Variants in GRIK3 observed in about 807,000 individuals in gnomAD.
The protein encoded by GRIK3 is glutamate ionotropic receptor kainate type subunit 3, also known as glutamate receptor ionotropic, kainate 3.
GRIK3 carries 29 observed loss-of-function variants against 102.5 expected under a neutral mutation model. The ratio of observed to expected loss-of-function variants is 0.28; its 90% CI spans 0.21 to 0.39. GRIK3 has a LOEUF of 0.39. Among genes scored for constraint, GRIK3 ranks in the 10% least tolerant of loss-of-function variants. The pLI is 1.00. For missense variants in GRIK3, 908 were observed against 1,252.4 expected, an observed-to-expected ratio of 0.73 and a Z score of 4.15; for synonymous variants, 511 against 504.9, an observed-to-expected ratio of 1.01 and a Z score of -0.16.
chr1:36,963,318 AC>A (rs1557443596), intron 1 of GRIK3, among the ~76,000 whole-genome samples: 2 of 151,446 alleles, frequency 1.3e-5, no homozygotes, highest in African/African-American at 4.9e-5. Context: ...GAATAAACAA[AC>A]CCCCCGCTCA....
intron 12 of GRIK3, among the ~76,000 whole-genome samples, chr1:36,817,870 T>A (rs1226216312): frequency 6.6e-6 from 1 of 152,156 alleles, no homozygotes; most frequent in African/African-American, 2.4e-5. Context: ...GAAATACAAA[T>A]GGTATACAAA....
At chr1:36,980,493 G>A (rs2124365974) in intron 1 of GRIK3, among the ~76,000 whole-genome samples, 2 of 151,858 alleles carry the variant, frequency 1.3e-5, no homozygotes, top group Admixed American at 1.3e-4. Flanking sequence ...CTGGGATCCA[G>A]TTTGTGTGGT....
At chr1:36,980,906 G>GT (rs1383295014) in intron 1 of GRIK3, among the ~76,000 whole-genome samples, 2 of 152,244 alleles carry the variant, frequency 1.3e-5, no homozygotes, top group East Asian at 3.9e-4. Context: ...AAAGCTCCCA[G>GT]TATCTGTCCA....
At chr1:37,032,088 G>A (rs1642833887) in intron 1 of GRIK3, among the ~76,000 whole-genome samples, 1 of 152,222 alleles carries the variant, frequency 6.6e-6, no homozygotes, top group Admixed American at 6.5e-5. Flanking sequence ...GGAGGGCTCT[G>A]CCATCCTTTA....
chr1:36,828,970 C>T (rs1160655946), intron 10 of GRIK3, among the ~76,000 whole-genome samples: 1 of 152,188 alleles, frequency 6.6e-6, no homozygotes, highest in Non-Finnish European at 1.5e-5. Flanking sequence ...TGCCATTCTT[C>T]CTGCTCTTTG....
chr1:36,811,324 G>A (rs1050118127), intron 13 of GRIK3, among the ~76,000 whole-genome samples: 2 of 152,154 alleles, frequency 1.3e-5, no homozygotes, highest in African/African-American at 4.8e-5. Flanking sequence ...GGTCCAGGCA[G>A]GGTATTGAAG....
chr1:36,915,380 C>T (rs72917552), intron 1 of GRIK3, among the ~76,000 whole-genome samples: 1,658 of 152,302 alleles, frequency 0.011, 33 homozygotes, highest in African/African-American at 0.038. Flanking sequence ...CAAGACCTGG[C>T]ACATAATTGG....
chr1:36,839,755 G>A lies in GRIK3; in HGVS notation c.1530+1981C>T, dbSNP rs185012617. The stretch of plus-strand genomic sequence containing the variant: ...GAAGAGTTTGAATCAAACTGAGCTC[G>A]AGTTCATGCTCTTGACCATTTGAGT... On this transcript the variant is annotated intron_variant, in intron 10 of 15. Transcript: ENST00000373091. Among the ~76,000 whole-genome samples the A allele has an allele frequency of 9.5e-4, 145 of 152,218 alleles. 3 individuals are homozygous for A. The South Asian group carries it at 0.013, about 14-fold the overall frequency.
intron 1 of GRIK3, among the ~76,000 whole-genome samples, chr1:36,975,102 A>G (rs1354593992): frequency 6.6e-6 from 1 of 152,148 alleles, no homozygotes; most frequent in Non-Finnish European, 1.5e-5. Context: ...TTGTGAATCT[A>G]CTTAATGTTA....
At chr1:36,992,438 C>T (rs1415642143) in intron 1 of GRIK3, among the ~76,000 whole-genome samples, 1 of 152,122 alleles carries the variant, frequency 6.6e-6, no homozygotes, top group Non-Finnish European at 1.5e-5. Context: ...ATGAAATGTT[C>T]ACGTTACAAA....
intron 1 of GRIK3, among the ~76,000 whole-genome samples, chr1:36,931,873 C>A (rs1378313627): frequency 1.3e-5 from 2 of 152,200 alleles, no homozygotes; most frequent in Admixed American, 6.5e-5. Context: ...TTGTCAGCCT[C>A]TGTTTCTCCA....
intron 4 of GRIK3, among the ~76,000 whole-genome samples, chr1:36,871,204 G>A (rs1228419659): frequency 5.3e-5 from 8 of 152,206 alleles, no homozygotes; most frequent in Admixed American, 5.2e-4. Context: ...AAGGGCAGAA[G>A]CAGAACTCAA....
intron 1 of GRIK3, among the ~76,000 whole-genome samples, chr1:36,933,801 T>A (rs1641623100): frequency 6.6e-6 from 1 of 152,194 alleles, no homozygotes; most frequent in Admixed American, 6.5e-5. Context: ...CCCTTCTCTA[T>A]TTCTTCAGCT....
intron 1 of GRIK3, among the ~76,000 whole-genome samples, chr1:36,923,317 G>A (rs1641493874): frequency 6.6e-6 from 1 of 152,220 alleles, no homozygotes; most frequent in Non-Finnish European, 1.5e-5. Context: ...GCAGGGGGTA[G>A]AGGGGTGGGA....
intron 1 of GRIK3, among the ~76,000 whole-genome samples, chr1:36,955,211 G>A (rs1472958607): frequency 6.6e-6 from 1 of 152,208 alleles, no homozygotes; most frequent in East Asian, 1.9e-4. Flanking sequence ...CCCTAAATAA[G>A]TGACAGCCCA....
chr1:36,802,677 T>A (rs1308196903), intron 15 of GRIK3, among the ~76,000 whole-genome samples: 1 of 152,178 alleles, frequency 6.6e-6, no homozygotes, highest in Non-Finnish European at 1.5e-5. Flanking sequence ...AGCGCAGCGT[T>A]TCCCGCAGGT....
intron 1 of GRIK3, among the ~76,000 whole-genome samples, chr1:37,001,379 C>T (rs1018089113): frequency 6.6e-6 from 1 of 152,196 alleles, no homozygotes; most frequent in Non-Finnish European, 1.5e-5. Flanking sequence ...TAACTCCATA[C>T]ATTAGGGAAC....
chr1:36,991,991 G>A (rs1002186405), intron 1 of GRIK3, among the ~76,000 whole-genome samples: 4 of 152,212 alleles, frequency 2.6e-5, no homozygotes, highest in African/African-American at 9.6e-5. Flanking sequence ...TGGGAATCTG[G>A]GCAGGCCAAG....
intron 1 of GRIK3, among the ~76,000 whole-genome samples, chr1:36,891,393 T>TA (rs1192053470): frequency 1.3e-5 from 2 of 152,222 alleles, no homozygotes; most frequent in African/African-American, 4.8e-5. Context: ...AAGCAGAATC[T>TA]ACCAGGATAA....
Sources: gnomAD v4.1 joint callset for allele counts (sites outside exome capture counted in the v4.1 genomes callset) on GRCh38, gnomAD v4.1.1 for gene constraint, MANE v1.5 for transcripts, NCBI Gene and HGNC (gene_info 2026-07-23, HGNC 2026-07-21) for gene names.